Variants in BEGAIN observed in about 807,000 individuals in gnomAD.
BEGAIN encodes brain enriched guanylate kinase associated.
BEGAIN carries 19 observed loss-of-function variants against 35.8 expected under a neutral mutation model. That is an observed-to-expected ratio of 0.53 (90% CI 0.37 to 0.78). The LOEUF is 0.78. BEGAIN is among the 30% of genes least tolerant of loss of function. BEGAIN has a pLI of 0.00. For missense variants in BEGAIN, 795 were observed against 853.6 expected (o/e 0.93, Z 0.85); for synonymous variants, 462 against 388.6 (o/e 1.19, Z -2.22).
chr14:100,585,809 CG>C (rs2035432029), intron 1 of BEGAIN, among the ~76,000 whole-genome samples: 1 of 152,170 alleles, frequency 6.6e-6, no homozygotes, highest in African/African-American at 2.4e-5. Context: ...CAGGTTTTGA[CG>C]ACAAACGGAA....
chr14:100,540,716 T>G, intron 5 of BEGAIN, 137 bp from the exon 6 acceptor site: 1 of 636,154 alleles, frequency 1.6e-6, no homozygotes, highest in Non-Finnish European at 2.8e-6. Context: ...GACCCACTGC[T>G]GGCTCCGGCC....
At chr14:100,540,646 C>A in intron 5 of BEGAIN, 67 bp from the exon 6 acceptor site, 1 of 1,267,360 alleles carries the variant, frequency 7.9e-7, no homozygotes, top group Non-Finnish European at 1.1e-6. Flanking sequence ...CTGACCAGCG[C>A]CAAGTGGCCA....
Position 100,567,092 on chromosome 14 carries a change from C to T in BEGAIN, c.71+819G>A, listed in dbSNP as rs376517853. Among the ~76,000 whole-genome samples, 181 of 152,286 alleles carry T rather than the reference C, an allele frequency of 1.2e-3. 1 individual carries two copies. The highest frequency in any genetic ancestry group is 4.2e-3 in the African/African-American group (174 of 41,556). On this transcript the variant is annotated intron_variant, in intron 2 of 6. Coordinates refer to ENST00000554140, the MANE Select transcript of BEGAIN (RefSeq NM_001385089.1). The surrounding 1 kb of genome is among the most constrained non-coding windows in gnomAD (Gnocchi z 5.1). The stretch of plus-strand genomic sequence containing the variant: ...TGGCGAGGACGGAGACCCTGTGGGC[C>T]AGGGGAGACAGTGCTGAAACCCAGC...
intron 6 of BEGAIN, 65 bp downstream of exon 6, chr14:100,540,431 G>C: frequency 8.1e-7 from 1 of 1,240,494 alleles, no homozygotes. Flanking sequence ...CTTTGGGGTA[G>C]CACTGGCACA....
At chr14:100,545,789 C>T (rs2032291062) in intron 3 of BEGAIN, among the ~76,000 whole-genome samples, 3 of 152,182 alleles carry the variant, frequency 2.0e-5, no homozygotes, top group Admixed American at 2.0e-4. Context: ...ATTCAAAACA[C>T]TCAGGAGCTG....
intron 2 of BEGAIN, among the ~76,000 whole-genome samples, chr14:100,556,917 A>G (rs2033778748): frequency 6.6e-6 from 1 of 152,200 alleles, no homozygotes; most frequent in African/African-American, 2.4e-5. Flanking sequence ...TGCAGGTCAC[A>G]GGCCGCTGCT....
At chr14:100,572,178 G>A (rs1365839594) in intron 1 of BEGAIN, among the ~76,000 whole-genome samples, 6 of 152,180 alleles carry the variant, frequency 3.9e-5, no homozygotes, top group African/African-American at 9.7e-5. Context: ...CCTTGGTACC[G>A]GGCATCGTAT....
intron 3 of BEGAIN, 142 bp from the exon 4 acceptor site, chr14:100,545,208 G>A (rs1452431801): frequency 6.6e-7 from 1 of 1,520,404 alleles, no homozygotes; most frequent in South Asian, 1.3e-5. Context: ...GGTGGAATGT[G>A]TGCCCCTCTG....
rs1218599747 is a variant in BEGAIN, at chr14:100,587,234, C to T, written c.42+15G>A. Reference sequence around the variant, plus strand: ...CCGCGCCCGCGCCCTGCCCTCCCGGCTCGCAGGTACTCACCGCCCGGCGCA... The same window carrying T: ...CCGCGCCCGCGCCCTGCCCTCCCGGTTCGCAGGTACTCACCGCCCGGCGCA... On this transcript the variant is annotated intron_variant, in intron 1 of 6. Coordinates refer to ENST00000554140, the MANE Select transcript of BEGAIN (RefSeq NM_001385089.1). 1 of 190,996 alleles carries T rather than the reference C, an allele frequency of 5.2e-6. No homozygotes were observed. The highest frequency in any genetic ancestry group is 1.1e-5 in the Non-Finnish European group (1 of 94,490). 11.8% of individuals were successfully genotyped at this position (190,996 alleles called of 1,614,324 possible).
At chr14:100,572,543 G>C (rs1055169484) in intron 1 of BEGAIN, among the ~76,000 whole-genome samples, 4 of 152,152 alleles carry the variant, frequency 2.6e-5, no homozygotes, top group African/African-American at 9.7e-5. Context: ...CTGGGCTCTA[G>C]CTTCCTCAGT....
chr14:100,560,523 C>CCAGGG lies in BEGAIN; in HGVS notation c.71+7383_71+7387dup, dbSNP rs1268109698. On this transcript the variant is annotated intron_variant, in intron 2 of 6. Transcript: ENST00000554140. ...CTCAGCAGCCTGGGGTGGTGTGTGG[C>CCAGGG]CAGGGCAGCCTCCCCTCCCTGGGAC... Among the ~76,000 whole-genome samples, 11 of 152,264 alleles carry CCAGGG rather than the reference C, an allele frequency of 7.2e-5. No homozygotes were observed. In the East Asian group the frequency reaches 2.1e-3, roughly 29 times the overall value.
chr14:100,587,000 GGGCGCTCCCGGC>G lies in BEGAIN; in HGVS notation c.42+237_42+248del, dbSNP rs915766302. 2.0e-5 allele frequency among the ~76,000 whole-genome samples: 3 copies of G among 151,862 alleles called. No individual in the cohort carries two copies. Among genetic ancestry groups the G allele is most frequent in the Non-Finnish European group, 4.4e-5 (3 of 67,904 alleles). ...GCGCAAGGACCCCGCGATAGGACCCGGGCGCTCCCGGCGGCGCGCGGAGGCTGGGCATCCCCG... is the reference window on the plus strand; with the variant it reads ...GCGCAAGGACCCCGCGATAGGACCCGGGCGCGCGGAGGCTGGGCATCCCCG... On this transcript the variant is annotated intron_variant, in intron 1 of 6. Transcript: ENST00000554140. The surrounding 1 kb of genome is among the most constrained non-coding windows in gnomAD (Gnocchi z 4.9).
chr14:100,586,837 GC>G lies in BEGAIN; in HGVS notation c.42+411del, dbSNP rs1231002605. Among the ~76,000 whole-genome samples, 3 of 152,154 alleles carry G rather than the reference GC, an allele frequency of 2.0e-5. No homozygotes were observed. The highest frequency in any genetic ancestry group is 7.2e-5 in the African/African-American group (3 of 41,450). ...GGCCTCCCAAGCAGGGGCTGGCCCT[GC>G]CCCCAGACGCAGGCGGGTCCAGGCC... On this transcript the variant is annotated intron_variant, in intron 1 of 6. Transcript: ENST00000554140. The surrounding 1 kb of genome is among the most constrained non-coding windows in gnomAD (Gnocchi z 4.9).
At chr14:100,548,482 A>G (rs1595118142) in intron 2 of BEGAIN, 1 of 152,226 alleles carries the variant, frequency 6.6e-6, no homozygotes, top group Non-Finnish European at 1.5e-5. Flanking sequence ...CCACGTGGCC[A>G]CCTCAGCCCC....
At chr14:100,554,027 G>A (rs552024645) in intron 2 of BEGAIN, among the ~76,000 whole-genome samples, 13 of 152,342 alleles carry the variant, frequency 8.5e-5, no homozygotes, top group East Asian at 1.9e-4. Context: ...TCCTTCCTCC[G>A]TCACGGGGGG....
chr14:100,555,747 CT>C (rs2033654920), intron 2 of BEGAIN, among the ~76,000 whole-genome samples: 1 of 152,206 alleles, frequency 6.6e-6, no homozygotes, highest in African/African-American at 2.4e-5. Context: ...TGCCCTCTGC[CT>C]CCGTGTGGCT....
chr14:100,556,349 C>G (rs975190132), intron 2 of BEGAIN, among the ~76,000 whole-genome samples: 2 of 152,224 alleles, frequency 1.3e-5, no homozygotes, highest in African/African-American at 2.4e-5. Context: ...CGCTGCCCCC[C>G]TCTTTCTGCA....
chr14:100,545,352 ACT>A (rs2032228594), intron 3 of BEGAIN: 1 of 1,283,256 alleles, frequency 7.8e-7, no homozygotes, highest in Admixed American at 3.6e-5. Flanking sequence ...TTCACAAGAG[ACT>A]CTGTCCCATC....
rs1595144731 is a variant in BEGAIN at position 100,568,538 on chromosome 14, C to T, written c.43-599G>A. 2.3e-6 allele frequency: 3 copies of T among 1,285,232 alleles called. No individual in the cohort carries two copies. The East Asian group carries it at 1.7e-4, about 72-fold the overall frequency. The allele number at this position is 1,285,232 out of a possible 1,614,324, so 79.6% of individuals were successfully genotyped here. On this transcript the variant is annotated intron_variant, in intron 1 of 6. Transcript: ENST00000554140. This position sits in a 1 kb window ranked among gnomAD's most constrained non-coding sequence, Gnocchi z 7.5. ...GGGTTTTGGGCCTGGCTTGCCCCTC[C>T]CGGGCCCCAGGGATTAACCCGTGAG...
Sources: allele counts gnomAD v4.1 joint callset (sites outside exome capture counted in the v4.1 genomes callset), GRCh38; gene constraint gnomAD v4.1.1; non-coding constraint Gnocchi (gnomAD v3.1); transcripts MANE v1.5; gene names NCBI Gene and HGNC (gene_info 2026-07-23, HGNC 2026-07-21).